The following DOCK10 variants were observed in gnomAD, a reference collection of about 807,000 sequenced individuals.
DOCK10 encodes the protein dedicator of cytokinesis protein 10.
DOCK10 carries 145 observed loss-of-function variants against 280.1 expected under a neutral mutation model. The ratio of observed to expected loss-of-function variants is 0.52; its 90% CI spans 0.45 to 0.59. The LOEUF (loss-of-function observed/expected upper bound fraction) is 0.59, where lower values mean the gene tolerates loss of function less well. DOCK10 is among the 20% of genes least tolerant of loss of function. The pLI is 0.00. For missense variants in DOCK10, 2,368 were observed against 2,651.7 expected, an observed-to-expected ratio of 0.89 and a Z score of 2.35; for synonymous variants, 915 against 942.2, an observed-to-expected ratio of 0.97 and a Z score of 0.53.
intron 55 of DOCK10, among the ~76,000 whole-genome samples, chr2:224,767,465 C>T (rs1690135488): frequency 1.3e-5 from 2 of 152,138 alleles, no homozygotes; most frequent in Admixed American, 6.5e-5. Flanking sequence ...CACCCGGCCT[C>T]ATGTAGTTTT....
intron 44 of DOCK10, 29 bp downstream of exon 44, chr2:224,796,287 G>T: frequency 7.4e-7 from 1 of 1,345,144 alleles, no homozygotes; most frequent in Non-Finnish European, 1.0e-6. Flanking sequence ...AAAAAATTCT[G>T]CAGTAAAAGC....
intron 7 of DOCK10, among the ~76,000 whole-genome samples, chr2:224,878,700 C>T (rs886938956): frequency 9.2e-5 from 14 of 152,236 alleles, no homozygotes; most frequent in African/African-American, 2.9e-4. Context: ...TGGAAATTCA[C>T]AGCTCAAACA....
intron 1 of DOCK10, among the ~76,000 whole-genome samples, chr2:224,969,071 A>AT (rs1005861110): frequency 9.2e-5 from 14 of 152,000 alleles, no homozygotes; most frequent in African/African-American, 2.7e-4. Flanking sequence ...TTCAGCTGTG[A>AT]TTTTTTTTCT....
Position 224,805,299 on chromosome 2 carries a change from T to G in DOCK10, c.3958A>C (p.Ile1320Leu). ...CEKIPRPLSL[I>L]GSTLRFDKLD... Reference sequence around the variant, plus strand: ...TTGTCAAATCGAAGAGTTGAGCCAATCAAAGACAAGGGTCTTGGGATCTGG... The same window carrying G: ...TTGTCAAATCGAAGAGTTGAGCCAAGCAAAGACAAGGGTCTTGGGATCTGG... Residue 1320 changes from isoleucine to leucine, a missense_variant, in exon 36 of 56, where the codon ATT (isoleucine) becomes CTT (leucine). By Grantham distance (5) the Ile-to-Leu change is conservative (BLOSUM62 2). Around this residue, in one of 2 missense-constraint regions of DOCK10, gnomAD observed 1,159 missense variants for 1,400.8 expected, o/e 0.83. Coordinates refer to ENST00000258390, the MANE Select transcript of DOCK10 (RefSeq NM_014689.3). This position sits in a 1 kb window ranked among gnomAD's most constrained non-coding sequence, Gnocchi z 4.3. The G allele has an allele frequency of 1.2e-6, 2 of 1,613,080 alleles. No homozygotes were observed. The highest frequency in any genetic ancestry group is 1.7e-6 in the Non-Finnish European group (2 of 1,179,312).
chr2:224,858,217 AT>A (rs1236975483), intron 14 of DOCK10, among the ~76,000 whole-genome samples: 2 of 152,224 alleles, frequency 1.3e-5, no homozygotes, highest in Non-Finnish European at 2.9e-5. Context: ...ATAGATGTGA[AT>A]TGTGGAACTC....
chr2:224,981,803 T>C (rs1705759512), intron 1 of DOCK10, among the ~76,000 whole-genome samples: 1 of 152,250 alleles, frequency 6.6e-6, no homozygotes, highest in African/African-American at 2.4e-5. Context: ...ACTATCAGCA[T>C]CTATACAACT....
Position 224,786,567 on chromosome 2 carries a change from G to A in DOCK10, c.5655+455C>T, listed in dbSNP as rs1404607020. Among the ~76,000 whole-genome samples the A allele has an allele frequency of 2.0e-5, 3 of 152,120 alleles. No homozygotes were observed. The highest frequency in any genetic ancestry group is 2.9e-5 in the Non-Finnish European group (2 of 68,006). ...TTTTGTCTAGAAACAGTGGTAGTTC[G>A]AAAATAGGAGAAAAGAAATTGTGTG... is the stretch of plus-strand genomic sequence containing the variant. On this transcript the variant is annotated intron_variant, in intron 50 of 55. Coordinates refer to ENST00000258390, the MANE Select transcript of DOCK10 (RefSeq NM_014689.3). The surrounding 1 kb of genome is among the most constrained non-coding windows in gnomAD (Gnocchi z 4.7).
At chr2:224,947,904 A>G (rs1400671887) in intron 1 of DOCK10, among the ~76,000 whole-genome samples, 1 of 152,212 alleles carries the variant, frequency 6.6e-6, no homozygotes, top group Non-Finnish European at 1.5e-5. Context: ...TTCAGTATAT[A>G]TTAGTTAAAT....
At chr2:224,959,200 G>A (rs1344333908) in intron 1 of DOCK10, among the ~76,000 whole-genome samples, 2 of 152,156 alleles carry the variant, frequency 1.3e-5, no homozygotes, top group Non-Finnish European at 2.9e-5. Context: ...GCATCTCACT[G>A]CATTCACAGT....
At position 224,805,150 on chromosome 2, in the gene DOCK10, A is replaced by C; in HGVS notation, c.4052-26T>G. On this transcript the variant is annotated intron_variant, in intron 36 of 55. Transcript: ENST00000258390. The surrounding 1 kb of genome is among the most constrained non-coding windows in gnomAD (Gnocchi z 4.3). ...CTAAAAGGAAACACCAGGTAGTATG[A>C]GAATCTGAAGGTTTTCTTTTTCCTT... 6.2e-7 allele frequency: 1 copy of C among 1,604,488 alleles called. No homozygotes were observed. Among genetic ancestry groups the C allele is most frequent in the South Asian group, 1.1e-5 (1 of 89,028 alleles).
At chr2:224,841,974 G>A (rs1695995740) in intron 22 of DOCK10, 78 bp from the exon 23 acceptor site, 1 of 1,054,110 alleles carries the variant, frequency 9.5e-7, no homozygotes, top group Non-Finnish European at 1.5e-6. Context: ...GTGATGTGAG[G>A]TAAGCATTTC....
chr2:224,863,492 G>A (rs1400250795), intron 13 of DOCK10, among the ~76,000 whole-genome samples: 2 of 151,432 alleles, frequency 1.3e-5, no homozygotes, highest in African/African-American at 2.4e-5. Context: ...TCTGTCGCCC[G>A]CCCAGGCTGG....
At chr2:224,815,085 G>A (rs1694038867) in intron 30 of DOCK10, among the ~76,000 whole-genome samples, 2 of 152,160 alleles carry the variant, frequency 1.3e-5, no homozygotes, top group African/African-American at 4.8e-5. Flanking sequence ...GGTACCTGGT[G>A]GGAGGTGATT....
intron 30 of DOCK10, among the ~76,000 whole-genome samples, chr2:224,816,027 C>CT (rs1694113561): frequency 6.6e-6 from 1 of 151,904 alleles, no homozygotes; most frequent in African/African-American, 2.4e-5. Context: ...GAGTGAGACT[C>CT]TACCTCAAAA....
chr2:224,878,480 A>G (rs1185521732), intron 7 of DOCK10, among the ~76,000 whole-genome samples: 1 of 152,254 alleles, frequency 6.6e-6, no homozygotes, highest in Admixed American at 6.5e-5. Context: ...TGCATTGCAC[A>G]GAGCCAGGGA....
chr2:224,769,842 C>T (rs1690299888), intron 55 of DOCK10, among the ~76,000 whole-genome samples: 1 of 152,088 alleles, frequency 6.6e-6, no homozygotes. Context: ...CTGTGGACTC[C>T]ACATCATGGC....
chr2:224,801,924 G>T lies in DOCK10; in HGVS notation c.4385C>A (p.Thr1462Asn). The T allele has an allele frequency of 6.2e-7, 1 of 1,612,688 alleles. No homozygotes were observed. Residue 1462 changes from threonine to asparagine, a missense_variant, in exon 40 of 56, where the codon ACC becomes AAC. Around this residue, in one of 2 missense-constraint regions of DOCK10, gnomAD observed 1,159 missense variants for 1,400.8 expected, o/e 0.83. Coordinates refer to ENST00000258390, the MANE Select transcript of DOCK10 (RefSeq NM_014689.3). ...NPKLLQMLDN[T>N]MTSNSNEIDI... ...TATTTCAGTTTACTTACTGGTCATG[G>T]TATTGTCTAACATCTGTAAGAGTTT...
At chr2:224,910,320 T>G (rs973457423) in intron 3 of DOCK10, among the ~76,000 whole-genome samples, 1 of 152,206 alleles carries the variant, frequency 6.6e-6, no homozygotes, top group Non-Finnish European at 1.5e-5. Context: ...CAGAGTCACC[T>G]GAGCAGAAAC....
chr2:225,009,860 A>G (rs778383305), intron 1 of DOCK10, among the ~76,000 whole-genome samples: 25 of 152,170 alleles, frequency 1.6e-4, no homozygotes, highest in Non-Finnish European at 2.6e-4. Flanking sequence ...GTGATCAGAG[A>G]GACTAACAAG....
Sources: allele counts gnomAD v4.1 joint callset (sites outside exome capture counted in the v4.1 genomes callset), GRCh38; gene constraint gnomAD v4.1.1; regional missense constraint gnomAD v4.1.1; non-coding constraint Gnocchi (gnomAD v3.1); transcripts MANE v1.5; gene names NCBI Gene and HGNC (gene_info 2026-07-23, HGNC 2026-07-21).